Variants in CCDC40 observed in about 807,000 individuals in gnomAD.
The protein encoded by CCDC40 is coiled-coil domain-containing protein 40.
Under a neutral mutation model 124.5 loss-of-function variants are expected in CCDC40, and 104 were observed. That is an observed-to-expected ratio of 0.84 (90% CI 0.71 to 0.98). The LOEUF (loss-of-function observed/expected upper bound fraction) is 0.98, where lower values mean the gene tolerates loss of function less well. Among genes scored for constraint, CCDC40 ranks in the 50% least tolerant of loss-of-function variants. The pLI, the probability that CCDC40 is intolerant of heterozygous loss-of-function variation, is 0.00. For missense variants in CCDC40, 1,463 were observed against 1,503.9 expected (o/e 0.97, Z 0.45); for synonymous variants, 580 against 602.9 (o/e 0.96, Z 0.56).
In CCDC40 at chr17:80,099,956, A is replaced by G. The variant is rs1316040291; in HGVS notation, c.*181A>G. The G allele has an allele frequency of 4.4e-6, 3 of 674,202 alleles. No individual in the cohort carries two copies. Among genetic ancestry groups the G allele is most frequent in the African/African-American group, 1.8e-5 (1 of 54,108 alleles). The allele number at this position is 674,202 out of a possible 1,614,324, so 41.8% of individuals were successfully genotyped here. A position where few individuals can be genotyped will look rare whatever the true frequency, so the allele number is the denominator to read the frequency against. ...CTTTTTAGCCACTCAGCAATTTAAT[A>G]AACCAGGTAAAATCCTAGCGTTTCC... On this transcript the variant is annotated 3_prime_UTR_variant, in exon 20 of 20. Transcript: ENST00000397545.
At chr17:80,053,337 TTCATCAAGGCC>T (rs1462570610) in intron 7 of CCDC40, among the ~76,000 whole-genome samples, 1 of 152,160 alleles carries the variant, frequency 6.6e-6, no homozygotes, top group East Asian at 1.9e-4. Flanking sequence ...GGGCTACGCT[TTCATCAAGGCC>T]TCCATCAGCT....
chr17:80,088,411 C>T (rs2038635757), intron 16 of CCDC40: 1 of 410,102 alleles, frequency 2.4e-6, no homozygotes, highest in African/African-American at 2.0e-5. Context: ...GCCACCATGC[C>T]TCACTAATTT....
At chr17:80,042,410 G>A (rs1209543825) in intron 3 of CCDC40, among the ~76,000 whole-genome samples, 6 of 152,104 alleles carry the variant, frequency 3.9e-5, no homozygotes, top group African/African-American at 9.7e-5. Context: ...GTGAGCCATC[G>A]CTCCTGCCCA....
intron 17 of CCDC40, among the ~76,000 whole-genome samples, chr17:80,092,950 AC>A (rs1371326342): frequency 1.3e-5 from 2 of 152,112 alleles, no homozygotes; most frequent in East Asian, 3.8e-4. Context: ...CAAGTTGTGG[AC>A]TGGGGTTAAT....
intron 10 of CCDC40, among the ~76,000 whole-genome samples, chr17:80,071,730 C>T (rs1191746186): frequency 6.6e-6 from 1 of 151,894 alleles, no homozygotes; most frequent in East Asian, 1.9e-4. Context: ...TTTTGCCCAC[C>T]TGTAGGCTCA....
chr17:80,066,318 C>T lies in CCDC40; in HGVS notation c.1562+712C>T. The T allele has an allele frequency of 1.7e-6, 1 of 587,880 alleles. No homozygotes were observed. The highest frequency in any genetic ancestry group is 2.9e-5 in the East Asian group (1 of 34,650). 36.4% of individuals were successfully genotyped at this position (587,880 alleles called of 1,614,324 possible). A position where few individuals can be genotyped will look rare whatever the true frequency, so the allele number is the denominator to read the frequency against. On this transcript the variant is annotated intron_variant, in intron 10 of 19. Transcript: ENST00000397545. This position sits in a 1 kb window ranked among gnomAD's most constrained non-coding sequence, Gnocchi z 4.4. ...TGAGGGTCTGGCTGGCCCCACAGCA[C>T]CCGCAGCCAGGCAGCCAGCAGCAGT... is the stretch of plus-strand genomic sequence containing the variant.
At chr17:80,049,551 G>T (rs2037525151) in intron 5 of CCDC40, among the ~76,000 whole-genome samples, 1 of 152,144 alleles carries the variant, frequency 6.6e-6, no homozygotes, top group South Asian at 2.1e-4. Context: ...GGCAGATGTT[G>T]ATTTCATTTA....
At chr17:80,057,603 G>A (rs1014136112) in intron 7 of CCDC40, among the ~76,000 whole-genome samples, 6 of 151,940 alleles carry the variant, frequency 3.9e-5, no homozygotes, top group South Asian at 2.1e-4. Flanking sequence ...ATGGCCGGGC[G>A]CGGTGGCTCA....
chr17:80,084,850 C>T lies in CCDC40; in HGVS notation c.2097C>T (p.Asp699=), dbSNP rs141983079. The T allele has an allele frequency of 1.9e-6, 3 of 1,614,150 alleles. No homozygotes were observed. The highest frequency in any genetic ancestry group is 2.5e-6 in the Non-Finnish European group (3 of 1,180,032). The change falls in exon 13 of 20, where the codon GAC becomes GAT. Residue 699 remains aspartate, a synonymous_variant. Transcript: ENST00000397545. ...DAHQKTLVEL[D]QDVKKVNELI... ...ACCAGAAGACCCTGGTGGAGCTGGA[C>T]CAGGACGTGAAGAAAGTCAACGAGC...
At chr17:80,047,979 T>TA (rs1408990420) in intron 4 of CCDC40, among the ~76,000 whole-genome samples, 5 of 152,068 alleles carry the variant, frequency 3.3e-5, no homozygotes, top group East Asian at 3.9e-4. Context: ...TCTAAATTAG[T>TA]AAAAAAACAA....
chr17:80,037,688 A>AATATATATATATATATATAT, intron 1 of CCDC40, among the ~76,000 whole-genome samples: 3 of 45,676 alleles, frequency 6.6e-5, no homozygotes, highest in African/African-American at 1.8e-4. Context: ...TTTTTTAAAA[A>AATATATATATATATATATAT]AGATATACAT....
rs749752079 is a variant in CCDC40 at position 80,084,802 on chromosome 17, C to T, written c.2049C>T (p.His683=). The change falls in exon 13 of 20, where the codon CAC becomes CAT. Residue 683 remains histidine (H), a synonymous_variant. Coordinates refer to ENST00000397545, the MANE Select transcript of CCDC40 (RefSeq NM_017950.4). ...DIAQTTLDIT[H]TSSRLDAHQK... ...CCCAGACCACCCTGGACATCACACA[C>T]ACCAGCAGCAGGCTGGACGCACACC... is the stretch of plus-strand genomic sequence containing the variant. The T allele has an allele frequency of 6.2e-7, 1 of 1,614,162 alleles. No homozygotes were observed. The highest frequency in any genetic ancestry group is 1.1e-5 in the South Asian group (1 of 91,080).
intron 16 of CCDC40, among the ~76,000 whole-genome samples, chr17:80,088,808 A>G (rs2038643169): frequency 6.6e-6 from 1 of 152,278 alleles, no homozygotes; most frequent in East Asian, 1.9e-4. Flanking sequence ...CCCTGTCTCT[A>G]AAAGAAGAAA....
intron 17 of CCDC40, among the ~76,000 whole-genome samples, chr17:80,091,129 G>A (rs1166824135): frequency 6.6e-6 from 1 of 152,158 alleles, no homozygotes; most frequent in African/African-American, 2.4e-5. Flanking sequence ...GCCCTACATG[G>A]TTACTAACCC....
chr17:80,053,246 A>G (rs2037652577), intron 7 of CCDC40, among the ~76,000 whole-genome samples: 1 of 152,214 alleles, frequency 6.6e-6, no homozygotes, highest in Non-Finnish European at 1.5e-5. Context: ...AGCTGGTGGG[A>G]TTTCCAAATA....
chr17:80,088,739 C>G (rs930080149), intron 16 of CCDC40, among the ~76,000 whole-genome samples: 2 of 152,144 alleles, frequency 1.3e-5, no homozygotes, highest in Non-Finnish European at 2.9e-5. Context: ...CCCAGGAGGT[C>G]AAGGCTGCAG....
At chr17:80,071,673 C>T (rs1344232691) in intron 10 of CCDC40, among the ~76,000 whole-genome samples, 1 of 152,086 alleles carries the variant, frequency 6.6e-6, no homozygotes, top group Non-Finnish European at 1.5e-5. Flanking sequence ...CAATAAATTA[C>T]ATGGATGCCC....
chr17:80,059,488 TAAA>T (rs538629976), intron 9 of CCDC40, among the ~76,000 whole-genome samples: 40,247 of 120,618 alleles, frequency 0.33, 7,390 homozygotes, highest in African/African-American at 0.55. Flanking sequence ...TACTGCAACT[TAAA>T]AAAAAAAAAA....
chr17:80,037,087 CT>C (rs1291989845), intron 1 of CCDC40, among the ~76,000 whole-genome samples: 1 of 152,184 alleles, frequency 6.6e-6, no homozygotes, highest in Non-Finnish European at 1.5e-5. Context: ...GATACCGCCC[CT>C]GACCTTGCTC....
Sources: allele counts gnomAD v4.1 joint callset (sites outside exome capture counted in the v4.1 genomes callset), GRCh38; gene constraint gnomAD v4.1.1; non-coding constraint Gnocchi (gnomAD v3.1); transcripts MANE v1.5; gene names NCBI Gene and HGNC (gene_info 2026-07-23, HGNC 2026-07-21).